Variants in CDH18 observed in about 807,000 individuals in gnomAD.
CDH18 encodes cadherin 18.
Under a neutral mutation model 67.9 loss-of-function variants are expected in CDH18, and 31 were observed. That is an observed-to-expected ratio of 0.46 (90% CI 0.34 to 0.62). The LOEUF (loss-of-function observed/expected upper bound fraction) is 0.62. Ranked by LOEUF, CDH18 falls within the 20% of genes least tolerant of loss-of-function variation. The pLI, the probability that CDH18 is intolerant of heterozygous loss-of-function variation, is 0.01. For synonymous variants in CDH18, 362 were observed against 347.2 expected (o/e 1.04, Z -0.48); for missense variants, 890 against 975.5 (o/e 0.91, Z 1.17).
chr5:20,417,478 G>T (rs1413690622), intron 1 of CDH18, among the ~76,000 whole-genome samples: 2 of 152,068 alleles, frequency 1.3e-5, no homozygotes, highest in South Asian at 2.1e-4. Context: ...ATTTCCAATG[G>T]TCTGTTTCCA....
intron 11 of CDH18, chr5:19,502,586 G>A (rs1013112317): frequency 8.2e-6 from 3 of 366,774 alleles, no homozygotes; most frequent in African/African-American, 4.2e-5. Context: ...CATCTTGATA[G>A]CCTTGCTCAT....
At chr5:20,476,224 T>C (rs898560636) in intron 1 of CDH18, among the ~76,000 whole-genome samples, 2 of 152,140 alleles carry the variant, frequency 1.3e-5, no homozygotes, top group African/African-American at 4.8e-5. Context: ...ATAGTAAGCA[T>C]AGTACCAGGC....
chr5:20,221,741 T>C (rs72743069), intron 2 of CDH18, among the ~76,000 whole-genome samples: 2 of 152,062 alleles, frequency 1.3e-5, no homozygotes, highest in African/African-American at 4.8e-5. Flanking sequence ...CATAAACATA[T>C]ACATCTACTA....
chr5:20,459,017 C>T (rs1166084463), intron 1 of CDH18, among the ~76,000 whole-genome samples: 1 of 142,884 alleles, frequency 7.0e-6, no homozygotes, highest in Non-Finnish European at 1.5e-5. Flanking sequence ...CATTTGAGCA[C>T]ATGCCTGAAA....
intron 1 of CDH18, among the ~76,000 whole-genome samples, chr5:20,406,672 T>C (rs1468350345): frequency 6.6e-6 from 1 of 152,170 alleles, no homozygotes; most frequent in Non-Finnish European, 1.5e-5. Flanking sequence ...AAGGGAGCAC[T>C]ATTAATGTTA....
intron 8 of CDH18, among the ~76,000 whole-genome samples, chr5:19,559,245 C>A (rs1185544127): frequency 6.6e-6 from 1 of 151,210 alleles, no homozygotes; most frequent in Non-Finnish European, 1.5e-5. Flanking sequence ...GTGTTACAGA[C>A]CCTGATGAAC....
intron 1 of CDH18, among the ~76,000 whole-genome samples, chr5:20,541,640 T>A (rs1458713736): frequency 6.6e-6 from 1 of 152,182 alleles, no homozygotes; most frequent in African/African-American, 2.4e-5. Context: ...AAAATGAAAC[T>A]ATTATTTGTC....
At chr5:20,005,617 TACAC>T (rs1186247553) in intron 2 of CDH18, among the ~76,000 whole-genome samples, 1 of 151,768 alleles carries the variant, frequency 6.6e-6, no homozygotes, top group Non-Finnish European at 1.5e-5. Flanking sequence ...TACATATGCA[TACAC>T]ACACATATAT....
chr5:20,552,829 C>A (rs1757708910), intron 1 of CDH18, among the ~76,000 whole-genome samples: 1 of 150,664 alleles, frequency 6.6e-6, no homozygotes, highest in Non-Finnish European at 1.5e-5. Flanking sequence ...GATCTCGGCT[C>A]ACCGCAACCT....
At chr5:20,022,856 C>T (rs192163548) in intron 2 of CDH18, among the ~76,000 whole-genome samples, 120 of 152,212 alleles carry the variant, frequency 7.9e-4, no homozygotes, top group Non-Finnish European at 1.4e-3. Flanking sequence ...ATGGGTGAGT[C>T]TATGCTTGCA....
chr5:19,821,286 T>C (rs1020473589), intron 3 of CDH18, among the ~76,000 whole-genome samples: 1 of 151,796 alleles, frequency 6.6e-6, no homozygotes, highest in Non-Finnish European at 1.5e-5. Flanking sequence ...AAAAAGGTAC[T>C]ACAGGGAATT....
intron 2 of CDH18, among the ~76,000 whole-genome samples, chr5:19,976,042 C>T (rs1334491110): frequency 6.6e-6 from 1 of 152,132 alleles, no homozygotes; most frequent in Non-Finnish European, 1.5e-5. Context: ...GAGAGCACCT[C>T]ATCTGAAACG....
rs200432862 is a variant in CDH18 at position 20,164,002 on chromosome 5, TCAA to T, written c.-518+91439_-518+91441del. ...AGAATAAGAGATTCACACATATTGA[TCAA>T]CAACTCAACAAAGTAATAATGAACT... On this transcript the variant is annotated intron_variant, in intron 2 of 14. Transcript: ENST00000507958. Among the ~76,000 whole-genome samples the T allele has an allele frequency of 5.7e-3, 871 of 152,270 alleles. 9 individuals are homozygous for T. Among genetic ancestry groups the T allele is most frequent in the African/African-American group, 0.02 (835 of 41,556 alleles).
intron 6 of CDH18, among the ~76,000 whole-genome samples, chr5:19,598,730 A>G (rs540615895): frequency 3.9e-5 from 6 of 152,168 alleles, no homozygotes; most frequent in African/African-American, 4.8e-5. Context: ...TTAAATAATT[A>G]TGTTTAGTAT....
At chr5:19,686,916 C>T (rs984185278) in intron 5 of CDH18, among the ~76,000 whole-genome samples, 38 of 152,126 alleles carry the variant, frequency 2.5e-4, no homozygotes, top group African/African-American at 8.9e-4. Context: ...GGAATAGTTT[C>T]AAAATGGCTG....
chr5:20,545,899 T>C (rs576373088), intron 1 of CDH18, among the ~76,000 whole-genome samples: 3 of 152,354 alleles, frequency 2.0e-5, no homozygotes, highest in African/African-American at 7.2e-5. Flanking sequence ...CTTTATGCTC[T>C]GCTTCCCTTT....
In CDH18 at chr5:19,674,174, A is replaced by C. The variant is rs185494647; in HGVS notation, c.643+47173T>G. Reference sequence around the variant, plus strand: ...AAGGACCAAACTTAATGGATAAAAAACAAGAAATGTTTTTCACTAGAATAT... The same window carrying C: ...AAGGACCAAACTTAATGGATAAAAACCAAGAAATGTTTTTCACTAGAATAT... On this transcript the variant is annotated intron_variant, in intron 5 of 12. Coordinates refer to ENST00000382275, the MANE Select transcript of CDH18 (RefSeq NM_004934.5). 2.4e-3 allele frequency among the ~76,000 whole-genome samples: 366 copies of C among 152,228 alleles called. 4 individuals are homozygous for C. The highest frequency in any genetic ancestry group is 6.6e-4 in the Non-Finnish European group (45 of 67,972).
chr5:19,631,366 G>A (rs908598156), intron 5 of CDH18, among the ~76,000 whole-genome samples: 1 of 152,236 alleles, frequency 6.6e-6, no homozygotes, highest in East Asian at 1.9e-4. Flanking sequence ...TGAGAATCAA[G>A]CTGACTCTCG....
chr5:20,252,876 T>C (rs1260294508), intron 2 of CDH18, among the ~76,000 whole-genome samples: 1 of 149,598 alleles, frequency 6.7e-6, no homozygotes, highest in East Asian at 2.0e-4. Flanking sequence ...GCGGAGCTTG[T>C]AGTGAGCCGA....
Sources: gnomAD v4.1 joint callset for allele counts (sites outside exome capture counted in the v4.1 genomes callset) on GRCh38, gnomAD v4.1.1 for gene constraint, MANE v1.5 for transcripts, NCBI Gene and HGNC (gene_info 2026-07-23, HGNC 2026-07-21) for gene names.